THSD7B: variants seen among roughly 807,000 people sequenced by gnomAD.
THSD7B encodes thrombospondin type 1 domain containing 7B, also known as thrombospondin type-1 domain-containing protein 7B.
THSD7B carries 138 observed loss-of-function variants against 213.6 expected under a neutral mutation model. That is an observed-to-expected ratio of 0.65 (90% confidence interval 0.56 to 0.74). The LOEUF (loss-of-function observed/expected upper bound fraction) is 0.74. THSD7B is among the 30% of genes least tolerant of loss of function. The pLI, the probability that THSD7B is intolerant of heterozygous loss-of-function variation, is 0.00. For synonymous variants in THSD7B, 742 were observed against 687.0 expected, an observed-to-expected ratio of 1.08 and a Z score of -1.25; for missense variants, 1,931 against 1,991.5, an observed-to-expected ratio of 0.97 and a Z score of 0.58.
At chr2:137,278,574 A>C (rs1682926002) in intron 12 of THSD7B, among the ~76,000 whole-genome samples, 1 of 152,144 alleles carries the variant, frequency 6.6e-6, no homozygotes, top group South Asian at 2.1e-4. Context: ...CAGTATGCAC[A>C]CTGGGTATCC....
intron 15 of THSD7B, among the ~76,000 whole-genome samples, chr2:137,451,824 T>G (rs1687657462): frequency 6.6e-6 from 1 of 151,958 alleles, no homozygotes; most frequent in Admixed American, 6.5e-5. Context: ...TGATTAAAAG[T>G]TTTTTTTATT....
At chr2:136,920,151 A>T (rs1164343110) in intron 2 of THSD7B, among the ~76,000 whole-genome samples, 3 of 152,254 alleles carry the variant, frequency 2.0e-5, no homozygotes, top group African/African-American at 7.2e-5. Context: ...CCTGCCATTC[A>T]GCAGGTTCCA....
At chr2:136,786,523 C>T (rs2104910506) in intron 1 of THSD7B, among the ~76,000 whole-genome samples, 1 of 152,216 alleles carries the variant, frequency 6.6e-6, no homozygotes, top group African/African-American at 2.4e-5. Flanking sequence ...CGTCTGATTG[C>T]TTCTTCAATG....
intron 15 of THSD7B, among the ~76,000 whole-genome samples, chr2:137,562,177 C>T (rs1374285238): frequency 6.6e-6 from 1 of 152,016 alleles, no homozygotes; most frequent in Non-Finnish European, 1.5e-5. Flanking sequence ...TTATCATTTA[C>T]AATTTTATGG....
chr2:137,367,177 A>G (rs989373532), intron 12 of THSD7B, among the ~76,000 whole-genome samples: 1 of 152,132 alleles, frequency 6.6e-6, no homozygotes, highest in African/African-American at 2.4e-5. Flanking sequence ...GTAGCTAACT[A>G]CCATATTCCT....
chr2:137,362,121 T>A (rs1685278338), intron 12 of THSD7B, among the ~76,000 whole-genome samples: 3 of 152,048 alleles, frequency 2.0e-5, no homozygotes, highest in Admixed American at 1.3e-4. Context: ...GAATTTCATA[T>A]CCAGCCAAAC....
At chr2:137,480,786 G>A (rs1164065878) in intron 15 of THSD7B, among the ~76,000 whole-genome samples, 1 of 152,202 alleles carries the variant, frequency 6.6e-6, no homozygotes, top group Non-Finnish European at 1.5e-5. Flanking sequence ...GAATTCTCTA[G>A]ACTTTTTAAA....
chr2:137,527,870 A>G (rs1680308874), intron 15 of THSD7B, among the ~76,000 whole-genome samples: 1 of 152,140 alleles, frequency 6.6e-6, no homozygotes. Flanking sequence ...TAACATGGAG[A>G]TGACAAACAG....
At chr2:136,818,290 C>T (rs1341379274) in intron 1 of THSD7B, among the ~76,000 whole-genome samples, 41 of 135,868 alleles carry the variant, frequency 3.0e-4, no homozygotes, top group African/African-American at 6.9e-4. Context: ...AGTAAACTAT[C>T]GCAAGAACAA....
At position 136,942,940 on chromosome 2, in the gene THSD7B, G is replaced by A. The variant is rs1033239488; in HGVS notation, c.139+60623G>A. Among the ~76,000 whole-genome samples, 8 of 152,246 alleles carry A rather than the reference G, an allele frequency of 5.3e-5. No individual in the cohort carries two copies. In the East Asian group the frequency reaches 1.5e-3, roughly 29 times the overall value. The stretch of plus-strand genomic sequence containing the variant: ...CCCTGTCTTGTGCCTGTTTTCAAAG[G>A]GAATGCTTCCAGTTTTTGCCCAATC... On this transcript the variant is annotated intron_variant, in intron 2 of 27. Coordinates refer to ENST00000409968, the MANE Select transcript of THSD7B (RefSeq NM_001316349.2).
intron 12 of THSD7B, among the ~76,000 whole-genome samples, chr2:137,322,131 A>G (rs1356096142): frequency 6.6e-6 from 1 of 152,232 alleles, no homozygotes; most frequent in Non-Finnish European, 1.5e-5. Context: ...AAAACCTTAA[A>G]AAGTCATTTG....
intron 1 of THSD7B, among the ~76,000 whole-genome samples, chr2:136,779,185 G>T (rs1000904052): frequency 1.6e-5 from 2 of 123,768 alleles, no homozygotes; most frequent in Non-Finnish European, 3.3e-5. Context: ...GTGTTAAAAG[G>T]CTATATATAT....
At chr2:137,398,921 G>A (rs182263143) in intron 12 of THSD7B, among the ~76,000 whole-genome samples, 372 of 152,290 alleles carry the variant, frequency 2.4e-3, no homozygotes, top group African/African-American at 7.7e-3. Flanking sequence ...GGAGTGACCC[G>A]ATTTTCCAGG....
At chr2:137,126,180 T>C (rs1180707693) in intron 5 of THSD7B, among the ~76,000 whole-genome samples, 1 of 152,182 alleles carries the variant, frequency 6.6e-6, no homozygotes, top group East Asian at 1.9e-4. Context: ...AGTCAGCCTA[T>C]CTTTTAAAGC....
At chr2:137,161,726 C>T (rs1213680023) in intron 6 of THSD7B, among the ~76,000 whole-genome samples, 8 of 152,112 alleles carry the variant, frequency 5.3e-5, no homozygotes, top group Admixed American at 4.6e-4. Context: ...CCCACGCCTC[C>T]GCAGCTTGTG....
chr2:137,585,643 G>T (rs1478347216), intron 17 of THSD7B, among the ~76,000 whole-genome samples: 1 of 152,070 alleles, frequency 6.6e-6, no homozygotes, highest in Non-Finnish European at 1.5e-5. Flanking sequence ...ATGTAGTTGA[G>T]TGGTTTTGAG....
chr2:136,950,978 C>T (rs1046846726), intron 2 of THSD7B, among the ~76,000 whole-genome samples: 2 of 152,038 alleles, frequency 1.3e-5, no homozygotes, highest in East Asian at 1.9e-4. Flanking sequence ...AAGACTCCCA[C>T]GTTTGGTGGC....
chr2:136,936,212 A>G (rs115012296), intron 2 of THSD7B, among the ~76,000 whole-genome samples: 1 of 152,100 alleles, frequency 6.6e-6, no homozygotes, highest in Admixed American at 6.6e-5. Flanking sequence ...ACATTTCTAC[A>G]TTGCTGGTGG....
intron 1 of THSD7B, among the ~76,000 whole-genome samples, chr2:136,781,138 A>C (rs1285760638): frequency 6.6e-6 from 1 of 152,178 alleles, no homozygotes; most frequent in Non-Finnish European, 1.5e-5. Flanking sequence ...TTTAATATAC[A>C]TTATCAAAAA....
Sources: gnomAD v4.1 joint callset for allele counts (sites outside exome capture counted in the v4.1 genomes callset) on GRCh38, gnomAD v4.1.1 for gene constraint, MANE v1.5 for transcripts, NCBI Gene and HGNC (gene_info 2026-07-23, HGNC 2026-07-21) for gene names.